RNF20: variants seen among roughly 807,000 people sequenced by gnomAD.
RNF20 encodes E3 ubiquitin-protein ligase BRE1A.
In RNF20, 84 loss-of-function variants were observed where a neutral mutation model predicts 126.2. The observed-to-expected ratio is 0.67, with a 90% confidence interval of 0.56 to 0.80. The LOEUF is 0.80. RNF20 is among the 30% of genes least tolerant of loss of function. The pLI, the probability that RNF20 is intolerant of heterozygous loss-of-function variation, is 0.00. For synonymous variants in RNF20, 400 were observed against 414.3 expected (o/e 0.97, Z 0.42); for missense variants, 869 against 1,188.2 (o/e 0.73, Z 3.95).
At chr9:101,538,019 T>C (rs1010130398) in intron 2 of RNF20, among the ~76,000 whole-genome samples, 6 of 152,080 alleles carry the variant, frequency 3.9e-5, no homozygotes, top group African/African-American at 1.4e-4. Flanking sequence ...TTAAGTTCAG[T>C]AAAGAAGGAG....
At chr9:101,541,530 T>C (rs1204364169) in intron 5 of RNF20, among the ~76,000 whole-genome samples, 3 of 152,250 alleles carry the variant, frequency 2.0e-5, no homozygotes, top group Non-Finnish European at 2.9e-5. Flanking sequence ...TGATATACTC[T>C]ATTAATGACA....
chr9:101,534,375 T>A (rs1382201819), intron 1 of RNF20: 2 of 152,202 alleles, frequency 1.3e-5, no homozygotes, highest in African/African-American at 4.8e-5. Context: ...GCGAATTCAC[T>A]GTTTCAAAGC....
In RNF20 at chr9:101,562,575, G is replaced by A. The variant is rs374768172; in HGVS notation, c.*153G>A. 1.8e-4 allele frequency: 113 copies of A among 631,868 alleles called. No individual in the cohort carries two copies. In the African/African-American group the frequency reaches 1.8e-3, roughly 10 times the overall value. The allele number at this position is 631,868 out of a possible 1,614,324, so 39.1% of individuals were successfully genotyped here. On this transcript the variant is annotated 3_prime_UTR_variant, in exon 20 of 20. Coordinates refer to ENST00000389120, the MANE Select transcript of RNF20 (RefSeq NM_019592.7). The stretch of plus-strand genomic sequence containing the variant: ...CTTTACTTCCAGGCTCTCCTCTTCA[G>A]TAGCTGGATGACTTTAGCAGAAAGG...
At chr9:101,539,823 T>C (rs1827232048) in intron 2 of RNF20, among the ~76,000 whole-genome samples, 1 of 152,122 alleles carries the variant, frequency 6.6e-6, no homozygotes, top group South Asian at 2.1e-4. Context: ...GGAACTGGGA[T>C]AGACAGGGAC....
rs1235651636 is a variant in RNF20, at chr9:101,550,602, T to G, written c.1093-4T>G. The G allele has an allele frequency of 6.2e-7, 1 of 1,613,098 alleles. No homozygotes were observed. Among genetic ancestry groups the G allele is most frequent in the East Asian group, 2.2e-5 (1 of 44,882 alleles). On this transcript the variant is annotated splice_region_variant and splice_polypyrimidine_tract_variant and intron_variant, in intron 9 of 19. Transcript: ENST00000389120. ...CTTCTGACTTTGCTTTGGGCCCTCC[T>G]AAGGTGGAATTGCGGAGTGCAGTGG... is the stretch of plus-strand genomic sequence containing the variant.
At position 101,560,844 on chromosome 9, in the gene RNF20, A is replaced by C; in HGVS notation, c.2426A>C (p.Glu809Ala). ...GTAGTAAGGAAACTGGAAGAGAAGG[A>C]GCATCTGTTACAGAGCAACATTGGC... ...LQVVRKLEEK[E>A]HLLQSNIGTG... The change falls in exon 17 of 20, where the codon GAG becomes GCG. Residue 809 changes from glutamate to alanine, a missense_variant. Glu to Ala is a moderately radical substitution (Grantham distance 107, BLOSUM62 -1). This residue lies in a region of RNF20 where 150 missense variants were observed against 173.7 expected (regional missense o/e 0.86). Transcript: ENST00000389120. 1 of 1,613,532 alleles carries C rather than the reference A, an allele frequency of 6.2e-7. No homozygotes were observed. Among genetic ancestry groups the C allele is most frequent in the Non-Finnish European group, 8.5e-7 (1 of 1,179,586 alleles).
intron 6 of RNF20, among the ~76,000 whole-genome samples, chr9:101,546,565 A>G (rs1040613018): frequency 2.6e-5 from 4 of 152,156 alleles, no homozygotes; most frequent in African/African-American, 9.7e-5. Context: ...AGAGGTAGAA[A>G]AATTGTTGAA....
In RNF20 at chr9:101,547,544, T is replaced by C. The variant is rs374718969; in HGVS notation, c.1092+26T>C. The C allele has an allele frequency of 2.3e-5, 37 of 1,612,852 alleles. No individual in the cohort carries two copies. In the African/African-American group the frequency reaches 4.8e-4, roughly 21 times the overall value. Reference sequence around the variant, plus strand: ...GTAGGAACGCATCCCTGAAGGGCAGTAAAATCAGACGTTCTGCTGATCAAC... The same window carrying C: ...GTAGGAACGCATCCCTGAAGGGCAGCAAAATCAGACGTTCTGCTGATCAAC... On this transcript the variant is annotated intron_variant, in intron 9 of 19. Transcript: ENST00000389120.
Position 101,544,872 on chromosome 9 carries a change from C to T in RNF20, c.734C>T (p.Thr245Ile), listed in dbSNP as rs1350639512. 6.2e-7 allele frequency: 1 copy of T among 1,608,982 alleles called. No individual in the cohort carries two copies. Among genetic ancestry groups the T allele is most frequent in the Non-Finnish European group, 8.5e-7 (1 of 1,175,388 alleles). ...LTDLLQEKHR[T>I]MSQEFSKLQS... ...GATCTTCTTCAGGAAAAGCATCGCA[C>T]CATGTCTCAGGAGGTACTTAACCAA... Residue 245 changes from threonine to isoleucine, a missense_variant, in exon 6 of 20, where the codon ACC (threonine) becomes ATC (isoleucine). Physicochemically the swap from Thr to Ile is moderately conservative, Grantham distance 89 (BLOSUM62 -1). Coordinates refer to ENST00000389120, the MANE Select transcript of RNF20 (RefSeq NM_019592.7).
At position 101,552,637 on chromosome 9, in the gene RNF20, G is replaced by C. The variant is rs1416632208; in HGVS notation, c.1785G>C (p.Gln595His). The change falls in exon 13 of 20, where the codon CAG (glutamine) becomes CAC (histidine). Residue 595 changes from glutamine to histidine, a missense_variant. Around this residue, in one of 8 missense-constraint regions of RNF20, gnomAD observed 231 missense variants for 263.6 expected, o/e 0.88. Coordinates refer to ENST00000389120, the MANE Select transcript of RNF20 (RefSeq NM_019592.7). ...EKEKEREREK[Q>H]KLKESEKERD... ...AGAAGGAGAGAGAACGAGAGAAGCA[G>C]AAGCTAAAAGAGTCAGAAAAAGAGA... is the stretch of plus-strand genomic sequence containing the variant. The C allele has an allele frequency of 6.6e-7, 1 of 1,520,630 alleles. No individual in the cohort carries two copies. Among genetic ancestry groups the C allele is most frequent in the East Asian group, 2.3e-5 (1 of 44,382 alleles). 94.2% of individuals were successfully genotyped at this position (1,520,630 alleles called of 1,614,324 possible).
chr9:101,549,829 A>G (rs1030800070), intron 9 of RNF20, among the ~76,000 whole-genome samples: 6 of 152,226 alleles, frequency 3.9e-5, no homozygotes, highest in Non-Finnish European at 4.4e-5. Context: ...GGTTATGATT[A>G]TAGAGCGAGG....
chr9:101,552,593 GAA>G lies in RNF20; in HGVS notation c.1743_1744del (p.Glu583ThrfsTer25), dbSNP rs1564110835. On this transcript the variant is annotated frameshift_variant, in exon 13 of 20. Coordinates refer to ENST00000389120, the MANE Select transcript of RNF20 (RefSeq NM_019592.7). LOFTEE classifies it high-confidence loss of function. ...AAGGAGGGAGAAGGAGAGGGAACGA[GAA>G]AGAGAACGGGAGAAGGAGAAGGAGA... The part of the protein sequence containing the change: ...RERREKERER[E>X]REREKEKERE... The G allele has an allele frequency of 1.9e-6, 3 of 1,582,092 alleles. No homozygotes were observed. The highest frequency in any genetic ancestry group is 2.6e-6 in the Non-Finnish European group (3 of 1,151,074).
Position 101,562,376 on chromosome 9 carries a change from A to C in RNF20, c.2882A>C (p.Asn961Thr). The change falls in exon 20 of 20, where the codon AAT (asparagine) becomes ACT (threonine). Residue 961 changes from asparagine (N) to threonine (T), a missense_variant. By Grantham distance (65) the Asn-to-Thr change is moderately conservative. Coordinates refer to ENST00000389120, the MANE Select transcript of RNF20 (RefSeq NM_019592.7). ...CGCCAGCGCAAATGTCCCAAGTGTA[A>C]TGCTGCTTTTGGTGCCAATGATTTT... is the stretch of plus-strand genomic sequence containing the variant. The part of the protein sequence containing the change: ...DTRQRKCPKC[N>T]AAFGANDFHR... The C allele has an allele frequency of 6.2e-7, 1 of 1,613,962 alleles. No individual in the cohort carries two copies. The highest frequency in any genetic ancestry group is 1.7e-5 in the Admixed American group (1 of 60,004).
intron 19 of RNF20, 45 bp from the exon 20 acceptor site, chr9:101,562,201 A>G (rs777829215): frequency 1.3e-6 from 2 of 1,585,980 alleles, no homozygotes; most frequent in African/African-American, 2.7e-5. Flanking sequence ...CATTTGGATC[A>G]TAAACTTTCA....
At position 101,552,577 on chromosome 9, in the gene RNF20, G is replaced by A; in HGVS notation, c.1725G>A (p.Glu575=). 6.3e-7 allele frequency: 1 copy of A among 1,599,508 alleles called. No individual in the cohort carries two copies. The highest frequency in any genetic ancestry group is 1.7e-4 in the Middle Eastern group (1 of 6,036). Residue 575 remains glutamate, a synonymous_variant, in exon 13 of 20, where the codon GAG becomes GAA. Coordinates refer to ENST00000389120, the MANE Select transcript of RNF20 (RefSeq NM_019592.7). ...AAGAACGAGAACGAGAAAGGAGGGA[G>A]AAGGAGAGGGAACGAGAAAGAGAAC... ...DEEERERERR[E]KERERERERE...
chr9:101,562,554 A>G lies in RNF20; in HGVS notation c.*132A>G. 1.3e-6 allele frequency: 1 copy of G among 782,942 alleles called. No homozygotes were observed. The highest frequency in any genetic ancestry group is 1.9e-6 in the Non-Finnish European group (1 of 513,276). The allele number at this position is 782,942 out of a possible 1,614,324, so 48.5% of individuals were successfully genotyped here. A position where few individuals can be genotyped will look rare whatever the true frequency, so the allele number is the denominator to read the frequency against. ...GTCAACTACCTTTCCTCCAGACTTT[A>G]CTTCCAGGCTCTCCTCTTCAGTAGC... On this transcript the variant is annotated 3_prime_UTR_variant, in exon 20 of 20. Coordinates refer to ENST00000389120, the MANE Select transcript of RNF20 (RefSeq NM_019592.7).
intron 15 of RNF20, among the ~76,000 whole-genome samples, chr9:101,556,870 G>A (rs1011150228): frequency 6.6e-5 from 10 of 152,190 alleles, no homozygotes; most frequent in African/African-American, 2.4e-4. Flanking sequence ...CAAAAGAAAT[G>A]AGTTGGTTAT....
At chr9:101,561,321 T>C (rs1323282372) in intron 18 of RNF20, 91 bp downstream of exon 18, 2 of 1,318,814 alleles carry the variant, frequency 1.5e-6, no homozygotes, top group Admixed American at 4.1e-5. Context: ...GTCCAATGTA[T>C]GTCATTTCCT....
At chr9:101,559,823 G>A (rs1449113270) in intron 16 of RNF20, among the ~76,000 whole-genome samples, 2 of 152,042 alleles carry the variant, frequency 1.3e-5, no homozygotes, top group African/African-American at 4.8e-5. Context: ...GGGTTTTCTA[G>A]GTATATGATA....
Sources: allele counts gnomAD v4.1 joint callset (sites outside exome capture counted in the v4.1 genomes callset), GRCh38; gene constraint gnomAD v4.1.1; regional missense constraint gnomAD v4.1.1; transcripts MANE v1.5; gene names NCBI Gene and HGNC (gene_info 2026-07-23, HGNC 2026-07-21).